The following MYT1 variants were observed in gnomAD, a reference collection of about 807,000 sequenced individuals.
The protein encoded by MYT1 is myelin transcription factor I.
Under a neutral mutation model 123.0 loss-of-function variants are expected in MYT1, and 23 were observed. That is an observed-to-expected ratio of 0.19 (90% confidence interval 0.13 to 0.26). The LOEUF (loss-of-function observed/expected upper bound fraction) is 0.26, where lower values mean the gene tolerates loss of function less well. Ranked by LOEUF, MYT1 falls within the 10% of genes least tolerant of loss-of-function variation. MYT1 has a pLI of 1.00. For synonymous variants in MYT1, 518 were observed against 575.3 expected, an observed-to-expected ratio of 0.90 and a Z score of 1.43; for missense variants, 1,125 against 1,472.5, an observed-to-expected ratio of 0.76 and a Z score of 3.86.
At chr20:64,201,701 C>A (rs1222756652) in intron 4 of MYT1, among the ~76,000 whole-genome samples, 1 of 152,212 alleles carries the variant, frequency 6.6e-6, no homozygotes, top group East Asian at 1.9e-4. Flanking sequence ...ACCTGTTTAC[C>A]AGCACACGCT....
At chr20:64,180,182 C>G (rs1189046942) in intron 1 of MYT1, among the ~76,000 whole-genome samples, 2 of 151,990 alleles carry the variant, frequency 1.3e-5, no homozygotes, top group East Asian at 3.9e-4. Context: ...CATGCATGCT[C>G]TATACAGTTA....
chr20:64,186,790 G>T lies in MYT1; in HGVS notation c.-98-3273G>T, dbSNP rs1478103596. On this transcript the variant is annotated intron_variant, in intron 1 of 22. Coordinates refer to ENST00000328439, the MANE Select transcript of MYT1 (RefSeq NM_004535.3). This position sits in a 1 kb window ranked among gnomAD's most constrained non-coding sequence, Gnocchi z 4.3. ...CCGTGGCCCCGGCATCCACGTTTCC[G>T]TGGAGACTTTTCCTGTAGCCTGTGG... 4.6e-5 allele frequency among the ~76,000 whole-genome samples: 7 copies of T among 151,768 alleles called. No homozygotes were observed. The highest frequency in any genetic ancestry group is 4.6e-4 in the Admixed American group (7 of 15,250).
At position 64,219,861 on chromosome 20, in the gene MYT1, C is replaced by T; in HGVS notation, c.2120C>T (p.Thr707Ile). 6.3e-7 allele frequency: 1 copy of T among 1,599,552 alleles called. No individual in the cohort carries two copies. Among genetic ancestry groups the T allele is most frequent in the Non-Finnish European group, 8.5e-7 (1 of 1,173,122 alleles). The change falls in exon 13 of 23, where the codon ACC (threonine) becomes ATC (isoleucine). Residue 707 changes from threonine (T) to isoleucine (I), a missense_variant. Thr to Ile is a moderately conservative substitution (Grantham distance 89). Around this residue, in one of 4 missense-constraint regions of MYT1, gnomAD observed 429 missense variants for 604.1 expected, o/e 0.71. Transcript: ENST00000328439. The part of the protein sequence containing the change: ...SPDASQRHSS[T>I]SAPSSSMTSP... ...GACGCCTCCCAGCGCCACAGCAGCA[C>T]CAGCGCCCCCAGCAGCTCCATGACC...
chr20:64,176,708 T>C (rs1348790059), intron 1 of MYT1, among the ~76,000 whole-genome samples: 1 of 152,192 alleles, frequency 6.6e-6, no homozygotes, highest in Non-Finnish European at 1.5e-5. Context: ...CCGCCTGGGT[T>C]CCGGGCACCC....
At chr20:64,234,296 G>C (rs1228788695) in intron 19 of MYT1, among the ~76,000 whole-genome samples, 2 of 150,124 alleles carry the variant, frequency 1.3e-5, no homozygotes, top group East Asian at 1.9e-4. Flanking sequence ...ACGCAGCTAG[G>C]ATGGGCTCCT....
In MYT1 at chr20:64,208,183, G is replaced by T. The variant is rs745783556; in HGVS notation, c.987G>T (p.Arg329=). The change falls in exon 7 of 23, where the codon CGG becomes CGT. Residue 329 remains arginine (R), a synonymous_variant. Coordinates refer to ENST00000328439, the MANE Select transcript of MYT1 (RefSeq NM_004535.3). The surrounding 1 kb of genome is among the most constrained non-coding windows in gnomAD (Gnocchi z 5.4). ...CTGCCCAGAAGGCCCCTGAGCTCCG[G>T]GGCCCAGAATCACCCAGTCCCAAGC... ...HTSAQKAPEL[R]GPESPSPKPE... 21 of 1,613,728 alleles carry T rather than the reference G, an allele frequency of 1.3e-5. No individual in the cohort carries two copies. The highest frequency in any genetic ancestry group is 4.0e-5 in the African/African-American group (3 of 74,900).
Position 64,218,357 on chromosome 20 carries a change from A to G in MYT1, c.1847-554A>G, listed in dbSNP as rs1983901131. 6.6e-6 allele frequency among the ~76,000 whole-genome samples: 1 copy of G among 152,202 alleles called. No individual in the cohort carries two copies. ...ATAACATTCTGTGCCTTCATTTGTC[A>G]TGTTCATTTGAGCAATAATGTTACT... is the stretch of plus-strand genomic sequence containing the variant. On this transcript the variant is annotated intron_variant, in intron 11 of 22. Transcript: ENST00000328439. This position sits in a 1 kb window ranked among gnomAD's most constrained non-coding sequence, Gnocchi z 4.0.
chr20:64,239,280 AG>A (rs948368672), intron 21 of MYT1, among the ~76,000 whole-genome samples: 4 of 152,152 alleles, frequency 2.6e-5, no homozygotes, highest in African/African-American at 4.8e-5. Context: ...GAAGACCCAA[AG>A]GCAGTCTGAC....
At chr20:64,204,177 G>C (rs1401518296) in intron 4 of MYT1, among the ~76,000 whole-genome samples, 2 of 152,262 alleles carry the variant, frequency 1.3e-5, no homozygotes, top group African/African-American at 4.8e-5. Flanking sequence ...TGAGGCTGCT[G>C]TGGGAGCTGT....
intron 1 of MYT1, among the ~76,000 whole-genome samples, chr20:64,173,664 C>T (rs112481399): frequency 1.3e-5 from 2 of 149,950 alleles, no homozygotes; most frequent in African/African-American, 5.0e-5. Context: ...GTGTCCATTT[C>T]CCCTCCCTGG....
At chr20:64,173,435 G>A (rs967215866) in intron 1 of MYT1, among the ~76,000 whole-genome samples, 1 of 152,018 alleles carries the variant, frequency 6.6e-6, no homozygotes. Flanking sequence ...ATACCCCAGT[G>A]CCTGTAGTTG....
Position 64,212,185 on chromosome 20 carries a change from TGGTGGGGGCCAGGGTGGGGGCC to T in MYT1, c.1517+49_1517+70del, listed in dbSNP as rs1983689342. On this transcript the variant is annotated intron_variant, in intron 9 of 22. Transcript: ENST00000328439. The surrounding 1 kb of genome is among the most constrained non-coding windows in gnomAD (Gnocchi z 6.8). ...GTAGTGGGGGCCAGGGTGGGGGCCG[TGGTGGGGGCCAGGGTGGGGGCC>T]GTGGTGGGGGCCAGGGTGGGGGCCG... 2.5e-6 allele frequency: 1 copy of T among 407,348 alleles called. No individual in the cohort carries two copies. The highest frequency in any genetic ancestry group is 6.0e-5 in the African/African-American group (1 of 16,794). The allele number at this position is 407,348 out of a possible 1,614,324, so 25.2% of individuals were successfully genotyped here.
rs1293931063 is a variant in MYT1 at position 64,213,305 on chromosome 20, C to T, written c.1518-229C>T. ...GTCCTTGGCATAGAATGTTCCAAAA[C>T]AGAAACTGACTGGGCAGCTTGTACT... On this transcript the variant is annotated intron_variant, in intron 9 of 22. Coordinates refer to ENST00000328439, the MANE Select transcript of MYT1 (RefSeq NM_004535.3). This position sits in a 1 kb window ranked among gnomAD's most constrained non-coding sequence, Gnocchi z 5.6. Among the ~76,000 whole-genome samples, 2 of 152,194 alleles carry T rather than the reference C, an allele frequency of 1.3e-5. No individual in the cohort carries two copies. The highest frequency in any genetic ancestry group is 2.9e-5 in the Non-Finnish European group (2 of 68,030).
intron 2 of MYT1, among the ~76,000 whole-genome samples, 192 bp from the exon 3 acceptor site, chr20:64,198,670 C>T (rs1254573304): frequency 6.6e-6 from 1 of 152,232 alleles, no homozygotes; most frequent in Non-Finnish European, 1.5e-5. Context: ...GGTCCTTTCT[C>T]TACACCCTCC....
chr20:64,205,923 G>A, intron 6 of MYT1, 123 bp downstream of exon 6: 1 of 1,457,652 alleles, frequency 6.9e-7, no homozygotes, highest in Non-Finnish European at 9.1e-7. Flanking sequence ...AACAAGGCAT[G>A]TCTTGTCCCA....
chr20:64,180,341 G>A (rs1326679325), intron 1 of MYT1, among the ~76,000 whole-genome samples: 1 of 152,188 alleles, frequency 6.6e-6, no homozygotes, highest in Non-Finnish European at 1.5e-5. Context: ...CCCACACAGG[G>A]TTCATTCTAA....
At position 64,217,369 on chromosome 20, in the gene MYT1, C is replaced by G; in HGVS notation, c.1846+88C>G. On this transcript the variant is annotated intron_variant, in intron 11 of 22. Transcript: ENST00000328439. ...AGGGGCAGTGGAGGAGGGACCCTCTCGAGGAGCTACTAGGGAGGGAAACTC... is the reference window on the plus strand; with the variant it reads ...AGGGGCAGTGGAGGAGGGACCCTCTGGAGGAGCTACTAGGGAGGGAAACTC... The G allele has an allele frequency of 6.5e-6, 9 of 1,388,772 alleles. No individual in the cohort carries two copies. The South Asian group carries it at 1.1e-4, about 17-fold the overall frequency. 86.0% of individuals were successfully genotyped at this position (1,388,772 alleles called of 1,614,324 possible). A position where few individuals can be genotyped will look rare whatever the true frequency, so the allele number is the denominator to read the frequency against.
rs1274994825 is a variant in MYT1 at position 64,241,822 on chromosome 20, G to A, written c.*1374G>A. On this transcript the variant is annotated 3_prime_UTR_variant, in exon 23 of 23. Transcript: ENST00000328439. This position sits in a 1 kb window ranked among gnomAD's most constrained non-coding sequence, Gnocchi z 4.2. ...TTTTGTTATTTATTCTTTTAATAAT[G>A]GAATTTTTTTAAAAAGTATTTTGTA... The A allele has an allele frequency of 6.6e-6, 1 of 152,402 alleles. No homozygotes were observed. The highest frequency in any genetic ancestry group is 1.5e-5 in the Non-Finnish European group (1 of 68,010). 9.4% of individuals were successfully genotyped at this position (152,402 alleles called of 1,614,324 possible). A position where few individuals can be genotyped will look rare whatever the true frequency, so the allele number is the denominator to read the frequency against.
At position 64,207,631 on chromosome 20, in the gene MYT1, C is replaced by T. The variant is rs760676624; in HGVS notation, c.435C>T (p.Pro145=). The T allele has an allele frequency of 2.5e-6, 4 of 1,613,920 alleles. No individual in the cohort carries two copies. The highest frequency in any genetic ancestry group is 3.4e-6 in the Non-Finnish European group (4 of 1,180,000). ...SPVKSHFGSN[P]IGSATASSKG... The stretch of plus-strand genomic sequence containing the variant: ...TCAAGTCCCATTTTGGATCCAACCC[C>T]ATCGGCAGCGCCACTGCCTCCTCCA... The change falls in exon 7 of 23, where the codon CCC becomes CCT. Residue 145 remains proline (P), a synonymous_variant. Coordinates refer to ENST00000328439, the MANE Select transcript of MYT1 (RefSeq NM_004535.3).
Sources: gnomAD v4.1 joint callset for allele counts (sites outside exome capture counted in the v4.1 genomes callset) on GRCh38, gnomAD v4.1.1 for gene constraint, gnomAD v4.1.1 regional missense constraint, Gnocchi (gnomAD v3.1) non-coding constraint, MANE v1.5 for transcripts, NCBI Gene and HGNC (gene_info 2026-07-23, HGNC 2026-07-21) for gene names.